Variants in RGS12 observed in about 807,000 individuals in gnomAD.
RGS12 encodes the protein regulator of G-protein signaling 12.
In RGS12, 66 loss-of-function variants were observed where a neutral mutation model predicts 120.1. The ratio of observed to expected loss-of-function variants is 0.55; its 90% CI spans 0.45 to 0.67. The LOEUF is 0.67. Ranked by LOEUF, RGS12 falls within the 30% of genes least tolerant of loss-of-function variation. RGS12 has a pLI of 0.00. For missense variants in RGS12, 1,859 were observed against 1,957.7 expected, an observed-to-expected ratio of 0.95 and a Z score of 0.95; for synonymous variants, 827 against 804.7, an observed-to-expected ratio of 1.03 and a Z score of -0.47.
At position 3,317,690 on chromosome 4, in the gene RGS12, C is replaced by T; in HGVS notation, c.1520C>T (p.Pro507Leu). Residue 507 changes from proline (P) to leucine (L), a missense_variant, in exon 2 of 18, where the codon CCT (proline) becomes CTT (leucine). Around this residue, in one of 3 missense-constraint regions of RGS12, gnomAD observed 967 missense variants for 994.2 expected, o/e 0.97. Coordinates refer to ENST00000336727, the MANE Select transcript of RGS12 (RefSeq NM_001394154.1). Reference sequence around the variant, plus strand: ...AACAAGCACCTAGGGCCAGCCTCTCCTGTGGAGGTGCCCCCAGCTTCCTTG... The same window carrying T: ...AACAAGCACCTAGGGCCAGCCTCTCTTGTGGAGGTGCCCCCAGCTTCCTTG... ...DLNKHLGPAS[P>L]VEVPPASLRS... The T allele has an allele frequency of 6.2e-7, 1 of 1,612,288 alleles. No homozygotes were observed. The highest frequency in any genetic ancestry group is 8.5e-7 in the Non-Finnish European group (1 of 1,179,198).
In RGS12 at chr4:3,414,052, T is replaced by C; in HGVS notation, c.2021-20T>C. 1.3e-6 allele frequency: 2 copies of C among 1,530,964 alleles called. No individual in the cohort carries two copies. Among genetic ancestry groups the C allele is most frequent in the Middle Eastern group, 1.8e-4 (1 of 5,618 alleles). The allele number at this position is 1,530,964 out of a possible 1,614,324, so 94.8% of individuals were successfully genotyped here. The stretch of plus-strand genomic sequence containing the variant: ...GGGCGGAGGGCAGGGGTGCAGGTGC[T>C]GTCTGTGCTGGTCCCGCAGAGTTGA... On this transcript the variant is annotated intron_variant, in intron 4 of 17. Transcript: ENST00000336727.
intron 3 of RGS12, among the ~76,000 whole-genome samples, chr4:3,381,633 T>C (rs1258129357): frequency 6.6e-6 from 1 of 152,196 alleles, no homozygotes; most frequent in Non-Finnish European, 1.5e-5. Context: ...CGTCAGATCT[T>C]GTGAGAACTC....
chr4:3,368,451 T>TGTGTGTGTGG (rs781181622), intron 3 of RGS12, among the ~76,000 whole-genome samples: 25,342 of 108,758 alleles, frequency 0.23, 3,517 homozygotes, highest in Middle Eastern at 0.38. Context: ...TGTGTGTGTG[T>TGTGTGTGTGG]GGGGTGCCTT....
chr4:3,332,205 C>A (rs918326738), intron 2 of RGS12, among the ~76,000 whole-genome samples: 1 of 152,156 alleles, frequency 6.6e-6, no homozygotes, highest in Non-Finnish European at 1.5e-5. Context: ...TGAGACTGTT[C>A]AGGGCAAGGT....
Position 3,430,665 on chromosome 4 carries a change from C to G in RGS12, c.3824C>G (p.Pro1275Arg). ...QESSDSPSTS[P>R]GSASSPPGPP... is the part of the protein sequence containing the mutation. The stretch of plus-strand genomic sequence containing the variant: ...AGCAGCGACAGCCCGTCCACCAGCC[C>G]GGGCTCAGCCTCCAGCCCCCCTGGA... Residue 1275 changes from proline (P) to arginine (R), a missense_variant, in exon 17 of 18, where the codon CCG becomes CGG. Physicochemically the swap from Pro to Arg is moderately radical, Grantham distance 103. Coordinates refer to ENST00000336727, the MANE Select transcript of RGS12 (RefSeq NM_001394154.1). The G allele has an allele frequency of 6.3e-7, 1 of 1,589,116 alleles. No individual in the cohort carries two copies. The highest frequency in any genetic ancestry group is 1.7e-4 in the Middle Eastern group (1 of 5,948).
At position 3,425,527 on chromosome 4, in the gene RGS12, G is replaced by A. The variant is rs1441383527; in HGVS notation, c.3298G>A (p.Val1100Ile). The A allele has an allele frequency of 6.2e-7, 1 of 1,611,548 alleles. No individual in the cohort carries two copies. The highest frequency in any genetic ancestry group is 8.5e-7 in the Non-Finnish European group (1 of 1,179,618). ...ATCGAGTCTGGACGGACAGCGGGTT[G>A]TCTTGGAGGAGAAGGATCCTTCCAG... ...PISSLDGQRV[V>I]LEEKDPSRGK... The change falls in exon 14 of 18, where the codon GTC becomes ATC. Residue 1100 changes from valine (V) to isoleucine (I), a missense_variant. Val to Ile is a conservative substitution (Grantham distance 29). This residue lies in a region of RGS12 where 517 missense variants were observed against 488.5 expected (regional missense o/e 1.06). Coordinates refer to ENST00000336727, the MANE Select transcript of RGS12 (RefSeq NM_001394154.1).
chr4:3,306,889 G>C (rs1029425579), intron 1 of RGS12, among the ~76,000 whole-genome samples: 1 of 152,220 alleles, frequency 6.6e-6, no homozygotes, highest in Non-Finnish European at 1.5e-5. Context: ...TGGGGTGATG[G>C]GGTTTGGGGT....
Position 3,316,968 on chromosome 4 carries a change from G to A in RGS12, c.798G>A (p.Gln266=), listed in dbSNP as rs748622235. ...GCATGCGGCGCCTGCGGGCAGAGCA[G>A]AAAATCCACTCGCTGGTGACCATGA... ...RGCMRRLRAE[Q]KIHSLVTMKI... is the part of the protein sequence containing the mutation. Residue 266 remains glutamine (Q), a synonymous_variant, in exon 2 of 18, where the codon CAG becomes CAA. Coordinates refer to ENST00000336727, the MANE Select transcript of RGS12 (RefSeq NM_001394154.1). 5.0e-6 allele frequency: 8 copies of A among 1,613,796 alleles called. No homozygotes were observed. Among genetic ancestry groups the A allele is most frequent in the Non-Finnish European group, 6.8e-6 (8 of 1,180,036 alleles).
chr4:3,309,449 CAGGAATGGCAGGTGTCCGCTGA>C (rs1724192335), intron 1 of RGS12, among the ~76,000 whole-genome samples: 4 of 106,140 alleles, frequency 3.8e-5, no homozygotes, highest in African/African-American at 1.3e-4. Context: ...AGCTGGGACC[CAGGAATGGCAGGTGTCCGCTGA>C]GGGGAACCGT....
At chr4:3,411,361 G>A (rs892373176) in intron 4 of RGS12, among the ~76,000 whole-genome samples, 6 of 152,224 alleles carry the variant, frequency 3.9e-5, no homozygotes, top group Non-Finnish European at 8.8e-5. Flanking sequence ...CTGGCTCTGC[G>A]TGTTCGGGAT....
At chr4:3,414,939 C>G in intron 6 of RGS12, 95 bp downstream of exon 6, 2 of 764,278 alleles carry the variant, frequency 2.6e-6, no homozygotes, top group Non-Finnish European at 4.2e-6. Flanking sequence ...GTGTGAGGGG[C>G]ATGTGAGGGG....
chr4:3,364,557 G>T (rs1029734163), intron 3 of RGS12, among the ~76,000 whole-genome samples: 4 of 152,008 alleles, frequency 2.6e-5, no homozygotes, highest in Non-Finnish European at 5.9e-5. Flanking sequence ...CCAGGGGCTC[G>T]TGGCCCCCGG....
chr4:3,318,084 C>T, intron 2 of RGS12, 33 bp downstream of exon 2: 6 of 1,548,224 alleles, frequency 3.9e-6, no homozygotes, highest in Middle Eastern at 4.3e-4. Flanking sequence ...AGCGCGGAGG[C>T]CCGGCCTCCT....
At chr4:3,302,497 C>T (rs1414972444) in intron 1 of RGS12, among the ~76,000 whole-genome samples, 1 of 152,258 alleles carries the variant, frequency 6.6e-6, no homozygotes, top group Admixed American at 6.5e-5. Context: ...ACCACAGAGA[C>T]ACGGGCAGGT....
chr4:3,437,457 G>A (rs529999933), intron 17 of RGS12, among the ~76,000 whole-genome samples: 48 of 152,276 alleles, frequency 3.2e-4, no homozygotes, highest in Middle Eastern at 3.4e-3. Flanking sequence ...AAATGCCCAC[G>A]GTATTGACCG....
chr4:3,323,002 A>G (rs887472363), intron 2 of RGS12, among the ~76,000 whole-genome samples: 1 of 152,230 alleles, frequency 6.6e-6, no homozygotes, highest in African/African-American at 2.4e-5. Context: ...CGAGAGCTAC[A>G]TCTGAGTGAG....
intron 1 of RGS12, among the ~76,000 whole-genome samples, chr4:3,296,773 C>T (rs998007875): frequency 3.9e-5 from 6 of 152,212 alleles, no homozygotes; most frequent in African/African-American, 1.4e-4. Context: ...CACTTCCCTG[C>T]CCTTGGGGAG....
chr4:3,402,326 G>A (rs532256655), intron 4 of RGS12, among the ~76,000 whole-genome samples: 11 of 151,994 alleles, frequency 7.2e-5, no homozygotes, highest in East Asian at 1.9e-4. Context: ...CCTTTTTTCC[G>A]TGTCTTGTGT....
chr4:3,430,283 GT>G, intron 16 of RGS12, 123 bp from the exon 17 acceptor site: 3 of 842,718 alleles, frequency 3.6e-6, no homozygotes, highest in Non-Finnish European at 5.6e-6. Context: ...AAGGGCTCTT[GT>G]TGACCCACAG....
Sources: allele counts gnomAD v4.1 joint callset (sites outside exome capture counted in the v4.1 genomes callset), GRCh38; gene constraint gnomAD v4.1.1; regional missense constraint gnomAD v4.1.1; transcripts MANE v1.5; gene names NCBI Gene and HGNC (gene_info 2026-07-23, HGNC 2026-07-21).